The following ZWILCH variants were observed in gnomAD, a reference collection of about 807,000 sequenced individuals.
The protein encoded by ZWILCH is protein zwilch homolog.
A neutral mutation model predicts 79.9 loss-of-function variants in ZWILCH; 74 were observed. That is an observed-to-expected ratio of 0.93 (90% CI 0.77 to 1.12). The LOEUF (loss-of-function observed/expected upper bound fraction) is 1.12. ZWILCH is among the 50% of genes most tolerant of loss of function. ZWILCH has a pLI of 0.00. For missense variants in ZWILCH, 694 were observed against 687.5 expected (o/e 1.01, Z -0.11); for synonymous variants, 241 against 228.2 (o/e 1.06, Z -0.51).
At chr15:66,544,724 T>TTGTGTGTGTGTGTGTGTGTGTGTGTG (rs1555426547) in intron 17 of ZWILCH, among the ~76,000 whole-genome samples, 45 of 128,542 alleles carry the variant, frequency 3.5e-4, no homozygotes, top group African/African-American at 1.3e-3. Context: ...TTTTTGGTTT[T>TTGTGTGTGTGTGTGTGTGTGTGTGTG]TGTGTGTGTG....
intron 17 of ZWILCH, among the ~76,000 whole-genome samples, chr15:66,544,321 TA>T (rs1243517127): frequency 1.3e-5 from 2 of 152,160 alleles, no homozygotes; most frequent in African/African-American, 2.4e-5. Context: ...ATTTTATGGT[TA>T]AAAAGAAAAT....
chr15:66,538,103 A>G (rs978857641), intron 16 of ZWILCH, among the ~76,000 whole-genome samples: 3 of 152,212 alleles, frequency 2.0e-5, no homozygotes, highest in African/African-American at 4.8e-5. Context: ...GTTCATCCAC[A>G]TGGACACTGA....
At chr15:66,523,582 A>T in intron 7 of ZWILCH, 95 bp from the exon 8 acceptor site, 1 of 743,534 alleles carries the variant, frequency 1.3e-6, no homozygotes, top group Non-Finnish European at 2.3e-6. Context: ...TATATTTTTT[A>T]ATGTGTGAAA....
At chr15:66,516,656 C>A (rs2140753797) in intron 4 of ZWILCH, among the ~76,000 whole-genome samples, 1 of 152,212 alleles carries the variant, frequency 6.6e-6, no homozygotes, top group South Asian at 2.1e-4. Flanking sequence ...CAGACACACA[C>A]CACCATGTCC....
At chr15:66,513,109 T>C (rs1050834279) in intron 2 of ZWILCH, among the ~76,000 whole-genome samples, 7 of 152,154 alleles carry the variant, frequency 4.6e-5, no homozygotes, top group African/African-American at 1.4e-4. Context: ...TTTTGTATTT[T>C]TAGTAGAGAT....
intron 7 of ZWILCH, chr15:66,523,298 T>C (rs1266252949): frequency 2.4e-5 from 4 of 168,784 alleles, no homozygotes; most frequent in Non-Finnish European, 5.1e-5. Context: ...ATTGGGAGAC[T>C]TCATTTTGGT....
At chr15:66,505,531 G>C (rs1057271332) in intron 1 of ZWILCH, 140 bp downstream of exon 1, 1 of 1,009,444 alleles carries the variant, frequency 9.9e-7, no homozygotes, top group Non-Finnish European at 1.5e-6. Flanking sequence ...GTTGGGGAGA[G>C]GCCGGTTCTC....
chr15:66,509,742 A>G (rs1439955612), intron 2 of ZWILCH, among the ~76,000 whole-genome samples: 1 of 134,726 alleles, frequency 7.4e-6, no homozygotes, highest in African/African-American at 2.6e-5. Context: ...TAAAGTATAC[A>G]TTAACAGACA....
intron 2 of ZWILCH, among the ~76,000 whole-genome samples, chr15:66,513,664 C>T (rs982588496): frequency 4.6e-5 from 7 of 151,918 alleles, no homozygotes; most frequent in East Asian, 3.9e-4. Context: ...CCCCGCCTCC[C>T]GGGTTCACAC....
chr15:66,523,802 G>A, intron 8 of ZWILCH, 54 bp downstream of exon 8: 2 of 1,371,450 alleles, frequency 1.5e-6, no homozygotes, highest in South Asian at 1.2e-5. Flanking sequence ...ATAAACATGT[G>A]TGCTATTGTT....
At chr15:66,532,958 T>A (rs1323282797) in intron 13 of ZWILCH, 27 bp from the exon 14 acceptor site, 1 of 1,519,502 alleles carries the variant, frequency 6.6e-7, no homozygotes, top group Non-Finnish European at 8.9e-7. Context: ...TGAAGTGTTT[T>A]TGCATGTATG....
chr15:66,538,661 G>C (rs971118837), intron 16 of ZWILCH, among the ~76,000 whole-genome samples: 2 of 152,170 alleles, frequency 1.3e-5, no homozygotes, highest in Non-Finnish European at 2.9e-5. Context: ...GATTACAGGT[G>C]TGAGCCACCA....
chr15:66,533,402 A>G (rs938777089), intron 14 of ZWILCH, among the ~76,000 whole-genome samples: 3 of 152,106 alleles, frequency 2.0e-5, no homozygotes, highest in Admixed American at 1.3e-4. Context: ...ATAATCTTTA[A>G]TGTATACTTT....
At position 66,519,012 on chromosome 15, in the gene ZWILCH, G is replaced by A. The variant is rs761221374; in HGVS notation, c.454G>A (p.Gly152Arg). ...SSDPEGTCWL[G>R]AELITTNNSI... is the part of the protein sequence containing the mutation. ...AGATCCTGAAGGTACTTGTTGGCTA[G>A]GAGCTGAGCTTATCACAACAAACAA... is the stretch of plus-strand genomic sequence containing the variant. The change falls in exon 5 of 19, where the codon GGA (glycine) becomes AGA (arginine). Residue 152 changes from glycine to arginine, a missense_variant. Transcript: ENST00000307897. 8 of 1,614,232 alleles carry A rather than the reference G, an allele frequency of 5.0e-6. No homozygotes were observed. The South Asian group carries it at 8.8e-5, about 18-fold the overall frequency.
intron 1 of ZWILCH, among the ~76,000 whole-genome samples, chr15:66,508,269 T>C (rs1302303493): frequency 6.6e-6 from 1 of 152,230 alleles, no homozygotes; most frequent in East Asian, 1.9e-4. Flanking sequence ...TAAAGGATAA[T>C]AATTAAATGA....
Position 66,532,345 on chromosome 15 carries a change from A to T in ZWILCH, c.1254A>T (p.Gln418His), listed in dbSNP as rs1420898172. The T allele has an allele frequency of 6.2e-7, 1 of 1,612,452 alleles. No homozygotes were observed. ...TVSLSGTIPVQMLLEIGLDKL... is the reference protein window; with the variant it reads ...TVSLSGTIPVHMLLEIGLDKL... ...CTCTCAGTGGGACTATTCCAGTTCA[A>T]ATGCTTTTGGAAATTGGTTTGGACA... The change falls in exon 13 of 19, where the codon CAA (glutamine) becomes CAT (histidine). Residue 418 changes from glutamine (Q) to histidine (H), a missense_variant. Physicochemically the swap from Gln to His is conservative, Grantham distance 24 (BLOSUM62 0). Transcript: ENST00000307897.
chr15:66,520,728 G>A, intron 6 of ZWILCH, 68 bp downstream of exon 6: 1 of 1,089,598 alleles, frequency 9.2e-7, no homozygotes, highest in South Asian at 1.4e-5. Flanking sequence ...CTAGTTTACA[G>A]GTTTTTTTTC....
At chr15:66,514,154 A>G (rs906215518) in intron 3 of ZWILCH, 71 bp downstream of exon 3, 16 of 1,040,728 alleles carry the variant, frequency 1.5e-5, no homozygotes, top group Admixed American at 2.4e-5. Flanking sequence ...GAATAATCTA[A>G]CGTACACGTT....
At chr15:66,509,817 G>T (rs1156316722) in intron 2 of ZWILCH, among the ~76,000 whole-genome samples, 1 of 119,990 alleles carries the variant, frequency 8.3e-6, no homozygotes, top group Non-Finnish European at 1.7e-5. Flanking sequence ...GTGTGTGTGT[G>T]GCTACATATA....
Sources: gnomAD v4.1 joint callset for allele counts (sites outside exome capture counted in the v4.1 genomes callset) on GRCh38, gnomAD v4.1.1 for gene constraint, MANE v1.5 for transcripts, NCBI Gene and HGNC (gene_info 2026-07-23, HGNC 2026-07-21) for gene names.